Variants in SEMA3A observed in about 807,000 individuals in gnomAD.
SEMA3A encodes semaphorin 3A, also known as semaphorin-3A.
In SEMA3A, 29 loss-of-function variants were observed where a neutral mutation model predicts 97.9. That is an observed-to-expected ratio of 0.30 (90% CI 0.22 to 0.40). The LOEUF (loss-of-function observed/expected upper bound fraction) is 0.40, where lower values mean the gene tolerates loss of function less well. Among genes scored for constraint, SEMA3A ranks in the 10% least tolerant of loss-of-function variants. The pLI, the probability that SEMA3A is intolerant of heterozygous loss-of-function variation, is 1.00. For synonymous variants in SEMA3A, 321 were observed against 323.7 expected (o/e 0.99, Z 0.09); for missense variants, 763 against 951.3 (o/e 0.80, Z 2.60).
chr7:84,373,048 T>A (rs1005378827), intron 1 of SEMA3A, among the ~76,000 whole-genome samples: 11 of 152,190 alleles, frequency 7.2e-5, no homozygotes, highest in Non-Finnish European at 1.2e-4. Context: ...GCCGTCACCA[T>A]AAAATGTACA....
chr7:84,386,924 C>T (rs1208627221), intron 1 of SEMA3A, among the ~76,000 whole-genome samples: 2 of 152,056 alleles, frequency 1.3e-5, no homozygotes, highest in African/African-American at 2.4e-5. Context: ...CACTTGAACC[C>T]AGGAGGCAGA....
chr7:84,110,359 G>T (rs1378275037), intron 4 of SEMA3A, 111 bp downstream of exon 4: 23 of 1,152,294 alleles, frequency 2.0e-5, no homozygotes, highest in Admixed American at 4.2e-5. Context: ...TTTGAAGTAG[G>T]TCCCACTGAA....
At chr7:84,436,979 T>C (rs1279937488) in intron 1 of SEMA3A, among the ~76,000 whole-genome samples, 1 of 152,086 alleles carries the variant, frequency 6.6e-6, no homozygotes, top group East Asian at 1.9e-4. Flanking sequence ...AAACTGCCAT[T>C]TATGTTAAAT....
At chr7:84,456,093 AG>A (rs1363969232) in intron 1 of SEMA3A, among the ~76,000 whole-genome samples, 1 of 151,948 alleles carries the variant, frequency 6.6e-6, no homozygotes, top group East Asian at 1.9e-4. Flanking sequence ...GATGACTAAA[AG>A]TAAGGATGTC....
intron 3 of SEMA3A, among the ~76,000 whole-genome samples, chr7:84,111,824 T>A (rs531702194): frequency 5.4e-4 from 83 of 152,300 alleles, no homozygotes; most frequent in African/African-American, 1.9e-3. Flanking sequence ...AATAAATTGA[T>A]CTTGCAAGTT....
chr7:84,234,356 C>T (rs976596063), intron 3 of SEMA3A, among the ~76,000 whole-genome samples: 1 of 152,076 alleles, frequency 6.6e-6, no homozygotes, highest in Non-Finnish European at 1.5e-5. Context: ...CTAGTGTTCT[C>T]TTAATCCTCA....
intron 1 of SEMA3A, among the ~76,000 whole-genome samples, chr7:84,415,524 C>T (rs1026526027): frequency 4.6e-5 from 7 of 151,984 alleles, no homozygotes; most frequent in African/African-American, 1.4e-4. Flanking sequence ...TTTCATATTG[C>T]TTTCAAATGG....
chr7:84,319,842 T>A (rs1266009325), intron 2 of SEMA3A, among the ~76,000 whole-genome samples: 1 of 152,180 alleles, frequency 6.6e-6, no homozygotes, highest in Admixed American at 6.5e-5. Flanking sequence ...AAATCACAAA[T>A]TTGTGTTTTT....
chr7:84,317,888 T>G (rs1801547028), intron 2 of SEMA3A, among the ~76,000 whole-genome samples: 1 of 152,194 alleles, frequency 6.6e-6, no homozygotes, highest in Admixed American at 6.5e-5. Flanking sequence ...ATTTAAGGTA[T>G]ATTTGTTTCT....
chr7:84,307,285 T>C (rs998966201), exon 3 of SEMA3A: 1 of 152,106 alleles, frequency 6.6e-6, no homozygotes, highest in Non-Finnish European at 1.5e-5. Context: ...CTGGGCACTT[T>C]AAATACCCTA....
At chr7:84,214,946 C>T (rs552739138) in intron 3 of SEMA3A, among the ~76,000 whole-genome samples, 1 of 150,606 alleles carries the variant, frequency 6.6e-6, no homozygotes, top group Non-Finnish European at 1.5e-5. Flanking sequence ...GATGATCCGC[C>T]CCCCCTTGGC....
intron 5 of SEMA3A, among the ~76,000 whole-genome samples, chr7:84,051,551 C>T (rs1195006327): frequency 5.9e-5 from 9 of 152,144 alleles, no homozygotes; most frequent in Non-Finnish European, 1.0e-4. Flanking sequence ...GATTTCTGTA[C>T]ATTGATTTTG....
At chr7:84,472,283 T>C (rs1329672915) in intron 1 of SEMA3A, among the ~76,000 whole-genome samples, 1 of 152,070 alleles carries the variant, frequency 6.6e-6, no homozygotes, top group Non-Finnish European at 1.5e-5. Flanking sequence ...CTCGAACACA[T>C]GCTTCAGAAA....
chr7:84,066,714 A>G (rs1370228578), intron 4 of SEMA3A, among the ~76,000 whole-genome samples: 11 of 151,736 alleles, frequency 7.2e-5, no homozygotes, highest in Admixed American at 1.3e-4. Flanking sequence ...CAACTTACAA[A>G]GGATGTGAAG....
chr7:84,334,172 T>C (rs1349352628), intron 2 of SEMA3A, among the ~76,000 whole-genome samples: 6 of 152,150 alleles, frequency 3.9e-5, no homozygotes, highest in African/African-American at 7.2e-5. Context: ...GAATTGATCT[T>C]TTTAAGAGTA....
intron 4 of SEMA3A, among the ~76,000 whole-genome samples, chr7:84,078,217 A>G (rs1453093157): frequency 6.6e-6 from 1 of 152,072 alleles, no homozygotes; most frequent in Non-Finnish European, 1.5e-5. Context: ...GTAAGTCCTT[A>G]AACTGACAGT....
intron 1 of SEMA3A, among the ~76,000 whole-genome samples, chr7:84,442,291 G>A (rs1379354176): frequency 1.3e-5 from 2 of 152,094 alleles, no homozygotes; most frequent in Non-Finnish European, 2.9e-5. Context: ...AACACACAAT[G>A]TATAAAGATG....
chr7:84,322,748 A>T (rs75360129), intron 2 of SEMA3A, among the ~76,000 whole-genome samples: 5,177 of 152,328 alleles, frequency 0.034, 102 homozygotes, highest in South Asian at 0.046. Flanking sequence ...TAATACAATC[A>T]TTTTAAAGAA....
chr7:84,270,520 A>G (rs1205231898), intron 3 of SEMA3A, among the ~76,000 whole-genome samples: 2 of 148,534 alleles, frequency 1.3e-5, no homozygotes, highest in Non-Finnish European at 3.0e-5. Flanking sequence ...CTCTCTCTAT[A>G]TGCATATATA....
Sources: allele counts gnomAD v4.1 joint callset (sites outside exome capture counted in the v4.1 genomes callset), GRCh38; gene constraint gnomAD v4.1.1; transcripts MANE v1.5; gene names NCBI Gene and HGNC (gene_info 2026-07-23, HGNC 2026-07-21).